Variants in ZNF14 observed in about 807,000 individuals in gnomAD.
The protein encoded by ZNF14 is gonadotropin inducible transcription repressor-4.
A neutral mutation model predicts 11.3 loss-of-function variants in ZNF14; 9 were observed. The ratio of observed to expected loss-of-function variants is 0.80; its 90% CI spans 0.48 to 1.39. ZNF14 has a LOEUF of 1.39. Ranked by LOEUF, ZNF14 falls within the 40% of genes most tolerant of loss-of-function variation. The pLI is 0.00. For synonymous variants in ZNF14, 239 were observed against 245.7 expected (o/e 0.97, Z 0.25); for missense variants, 711 against 763.9 (o/e 0.93, Z 0.82).
rs56355771 is a variant in ZNF14, at chr19:19,728,515, CAAAAAAAAAAAA to C, written c.3+4429_3+4440del. On this transcript the variant is annotated intron_variant, in intron 1 of 3. Transcript: ENST00000344099. Reference sequence around the variant, plus strand: ...TGTGCGAAAGTGCGAAACTCCGTCTCAAAAAAAAAAAAAAAAAAAAACATATACTGGAAGAAC... The same window carrying C: ...TGTGCGAAAGTGCGAAACTCCGTCTCAAAAAAAAACATATACTGGAAGAAC... 3.7e-5 allele frequency among the ~76,000 whole-genome samples: 2 copies of C among 53,926 alleles called. 1 individual carries two copies. The highest frequency in any genetic ancestry group is 1.5e-4 in the African/African-American group (2 of 13,668). The allele number at this position is 53,926 out of a possible 152,430, so 35.4% of individuals were successfully genotyped here.
Position 19,714,105 on chromosome 19 carries a change from C to T in ZNF14, c.177G>A (p.Gln59=), listed in dbSNP as rs1446888558. ...ATGCAACTCACCTTCGATTTTTCCCCTGGTTTCTGTGGTCATCTTCAATGT... is the reference window on the plus strand; with the variant it reads ...ATGCAACTCACCTTCGATTTTTCCCTTGGTTTCTGTGGTCATCTTCAATGT... ...DQDIEDDHRN[Q]GKNRRCHMVE... Residue 59 remains glutamine (Q), a synonymous_variant, in exon 3 of 4, where the codon CAG becomes CAA. Coordinates refer to ENST00000344099, the MANE Select transcript of ZNF14 (RefSeq NM_021030.3). The T allele has an allele frequency of 2.5e-6, 4 of 1,613,006 alleles. No individual in the cohort carries two copies. The African/African-American group carries it at 5.3e-5, about 22-fold the overall frequency.
At chr19:19,713,580 C>T (rs2062368609) in intron 3 of ZNF14, among the ~76,000 whole-genome samples, 1 of 151,950 alleles carries the variant, frequency 6.6e-6, no homozygotes, top group Non-Finnish European at 1.5e-5. Flanking sequence ...TCCTGGGTAG[C>T]TGGGATTATA....
intron 1 of ZNF14, among the ~76,000 whole-genome samples, chr19:19,716,677 G>A (rs775859140): frequency 2.6e-5 from 4 of 152,108 alleles, no homozygotes; most frequent in East Asian, 3.9e-4. Context: ...AGTAAGGAAC[G>A]TAGAAATTGT....
rs2062410172 is a variant in ZNF14 at position 19,727,731 on chromosome 19, A to G, written c.3+5225T>C. 1.5e-5 allele frequency among the ~76,000 whole-genome samples: 2 copies of G among 133,904 alleles called. 1 individual carries two copies. Among genetic ancestry groups the G allele is most frequent in the Non-Finnish European group, 3.3e-5 (2 of 60,300 alleles). 87.8% of individuals were successfully genotyped at this position (133,904 alleles called of 152,430 possible). ...TAAAGAGTTTCTACACACACATCCA[A>G]TCAATGCATCTTTATAGACGCTTGG... On this transcript the variant is annotated intron_variant, in intron 1 of 3. Coordinates refer to ENST00000344099, the MANE Select transcript of ZNF14 (RefSeq NM_021030.3).
rs548435908 is a variant in ZNF14, at chr19:19,724,983, G to A, written c.3+7973C>T. On this transcript the variant is annotated intron_variant, in intron 1 of 3. Transcript: ENST00000344099. ...CTTGAGCCTATGTGTGTCTCTGCAC[G>A]TGAGATGGGTCTCCTGAATACAGCA... 1.8e-3 allele frequency among the ~76,000 whole-genome samples: 237 copies of A among 133,238 alleles called. 47 individuals carry two copies. Among genetic ancestry groups the A allele is most frequent in the Middle Eastern group, 8.6e-3 (2 of 232 alleles). 87.4% of individuals were successfully genotyped at this position (133,238 alleles called of 152,430 possible). A position where few individuals can be genotyped will look rare whatever the true frequency, so the allele number is the denominator to read the frequency against.
intron 1 of ZNF14, among the ~76,000 whole-genome samples, chr19:19,719,234 C>T (rs899655544): frequency 6.6e-6 from 1 of 152,076 alleles, no homozygotes; most frequent in African/African-American, 2.4e-5. Context: ...CTGTCACTAG[C>T]GTACCTGCCT....
Position 19,711,831 on chromosome 19 carries a change from A to C in ZNF14, c.1450T>G (p.Phe484Val). 6.2e-7 allele frequency: 1 copy of C among 1,613,420 alleles called. No individual in the cohort carries two copies. The highest frequency in any genetic ancestry group is 8.5e-7 in the Non-Finnish European group (1 of 1,179,516). ...PYECKQCGKVFIRSSSFRLHE... is the reference protein window; with the variant it reads ...PYECKQCGKVVIRSSSFRLHE... ...AGTCGAAAGGAACTGGAACGAATGA[A>C]AACTTTTCCACACTGTTTACATTCA... Residue 484 changes from phenylalanine (F) to valine (V), a missense_variant, in exon 4 of 4, where the codon TTC becomes GTC. Transcript: ENST00000344099.
chr19:19,715,323 C>CA (rs1304879728), intron 1 of ZNF14, among the ~76,000 whole-genome samples: 1 of 152,180 alleles, frequency 6.6e-6, no homozygotes, highest in Non-Finnish European at 1.5e-5. Flanking sequence ...TCACAAGGAG[C>CA]TGCTGGCCAT....
At position 19,733,039 on chromosome 19, in the gene ZNF14, T is replaced by C; in HGVS notation, c.-81A>G. 1 of 1,566,464 alleles carries C rather than the reference T, an allele frequency of 6.4e-7. No individual in the cohort carries two copies. Among genetic ancestry groups the C allele is most frequent in the Non-Finnish European group, 8.7e-7 (1 of 1,149,220 alleles). On this transcript the variant is annotated 5_prime_UTR_variant, in exon 1 of 4. Coordinates refer to ENST00000344099, the MANE Select transcript of ZNF14 (RefSeq NM_021030.3). ...GGTCACGGCGCGACAAAGGATGCGC[T>C]AGAGCCACCTTCGGCCTTCAGGAGC...
intron 1 of ZNF14, among the ~76,000 whole-genome samples, chr19:19,731,814 TC>T (rs2062424272): frequency 6.6e-6 from 1 of 152,148 alleles, no homozygotes; most frequent in Admixed American, 6.5e-5. Flanking sequence ...ACGCCTGTAA[TC>T]CCAGCACTTT....
chr19:19,732,067 C>T (rs1420035060), intron 1 of ZNF14, among the ~76,000 whole-genome samples: 1 of 151,704 alleles, frequency 6.6e-6, no homozygotes, highest in Non-Finnish European at 1.5e-5. Flanking sequence ...CTCCGTCACA[C>T]ACAAAAAAAA....
rs1030172074 is a variant in ZNF14 at position 19,726,099 on chromosome 19, C to A, written c.3+6857G>T. On this transcript the variant is annotated intron_variant, in intron 1 of 3. Coordinates refer to ENST00000344099, the MANE Select transcript of ZNF14 (RefSeq NM_021030.3). ...CTTCTCTCAACTCATCAAAGTAATT[C>A]TCTCCGTCCAGCTTTGTTCCATTGC... Among the ~76,000 whole-genome samples, 21 of 134,976 alleles carry A rather than the reference C, an allele frequency of 1.6e-4. 2 individuals are homozygous for A. The highest frequency in any genetic ancestry group is 5.7e-4 in the African/African-American group (21 of 36,568). 88.5% of individuals were successfully genotyped at this position (134,976 alleles called of 152,430 possible).
chr19:19,729,312 C>T (rs1028189711), intron 1 of ZNF14, among the ~76,000 whole-genome samples: 1 of 125,300 alleles, frequency 8.0e-6, no homozygotes, highest in Non-Finnish European at 1.6e-5. Context: ...TCACTTTACA[C>T]ACACAACTTT....
At position 19,716,497 on chromosome 19, in the gene ZNF14, C is replaced by T. The variant is rs559058009; in HGVS notation, c.4-2010G>A. On this transcript the variant is annotated intron_variant, in intron 1 of 3. Coordinates refer to ENST00000344099, the MANE Select transcript of ZNF14 (RefSeq NM_021030.3). ...AGAGACAGGGTTTTGCCATGTTGGC[C>T]AGGCTGGGCTTGAACTCCTGGGCTC... Among the ~76,000 whole-genome samples the T allele has an allele frequency of 5.7e-4, 86 of 152,182 alleles. 1 individual carries two copies. The highest frequency in any genetic ancestry group is 4.9e-3 in the Admixed American group (75 of 15,278).
rs1390793879 is a variant in ZNF14, at chr19:19,713,107, C to A, written c.192-18G>T. 1.9e-6 allele frequency: 3 copies of A among 1,541,694 alleles called. No individual in the cohort carries two copies. The highest frequency in any genetic ancestry group is 2.5e-5 in the South Asian group (2 of 78,856). On this transcript the variant is annotated intron_variant, in intron 3 of 3. Transcript: ENST00000344099. Reference sequence around the variant, plus strand: ...TATGACATCTGTAAAAAATGAATAGCACATTATTAGTGGCTTTTTAATTAT... The same window carrying A: ...TATGACATCTGTAAAAAATGAATAGAACATTATTAGTGGCTTTTTAATTAT...
At chr19:19,715,611 A>G (rs773292125) in intron 1 of ZNF14, among the ~76,000 whole-genome samples, 2 of 152,220 alleles carry the variant, frequency 1.3e-5, no homozygotes, top group Non-Finnish European at 2.9e-5. Context: ...AAGGAACGAC[A>G]ACATGTTTTA....
intron 1 of ZNF14, among the ~76,000 whole-genome samples, chr19:19,715,822 A>T (rs2062376400): frequency 6.6e-6 from 1 of 152,214 alleles, no homozygotes; most frequent in South Asian, 2.1e-4. Context: ...ATACATTTTT[A>T]AAATTTCTTT....
rs373731379 is a variant in ZNF14 at position 19,712,407 on chromosome 19, T to C, written c.874A>G (p.Ser292Gly). Residue 292 changes from serine to glycine, a missense_variant, in exon 4 of 4, where the codon AGT becomes GGT. Coordinates refer to ENST00000344099, the MANE Select transcript of ZNF14 (RefSeq NM_021030.3). ...GTCCTTTTATGCCTTCGAAAAGAAC[T>C]GAGAAAACTGAAGGCTTTACCACAT... is the stretch of plus-strand genomic sequence containing the variant. Reference protein sequence around the residue: ...KECGKAFSFLSSFRRHKRTHS... With the variant: ...KECGKAFSFLGSFRRHKRTHS... 17 of 1,609,700 alleles carry C rather than the reference T, an allele frequency of 1.1e-5. No individual in the cohort carries two copies. Among genetic ancestry groups the C allele is most frequent in the Non-Finnish European group, 1.2e-5 (14 of 1,178,888 alleles).
chr19:19,717,188 G>A (rs949300611), intron 1 of ZNF14, among the ~76,000 whole-genome samples: 29 of 152,136 alleles, frequency 1.9e-4, no homozygotes, highest in African/African-American at 7.0e-4. Context: ...CTACAAATCT[G>A]GAGTTCCCAC....
Sources: allele counts gnomAD v4.1 joint callset (sites outside exome capture counted in the v4.1 genomes callset), GRCh38; gene constraint gnomAD v4.1.1; transcripts MANE v1.5; gene names NCBI Gene and HGNC (gene_info 2026-07-23, HGNC 2026-07-21).